Variants in GULP1 observed in about 807,000 individuals in gnomAD.
GULP1 encodes GULP PTB domain containing engulfment adaptor 1, also known as PTB domain-containing engulfment adapter protein 1.
A neutral mutation model predicts 40.9 loss-of-function variants in GULP1; 19 were observed. That is an observed-to-expected ratio of 0.46 (90% CI 0.32 to 0.68). The LOEUF (loss-of-function observed/expected upper bound fraction) is 0.68. GULP1 is among the 30% of genes least tolerant of loss of function. The pLI, the probability that GULP1 is intolerant of heterozygous loss-of-function variation, is 0.03. For missense variants in GULP1, 312 were observed against 362.2 expected (o/e 0.86, Z 1.12); for synonymous variants, 119 against 117.6 (o/e 1.01, Z -0.08).
intron 5 of GULP1, chr2:188,523,028 A>T (rs1440332674): frequency 1.1e-5 from 5 of 452,750 alleles, no homozygotes; most frequent in African/African-American, 9.7e-5. Context: ...AAAATATGGC[A>T]TACTGTTCAC....
At chr2:188,325,523 A>C (rs1234779279) in intron 1 of GULP1, among the ~76,000 whole-genome samples, 1 of 152,140 alleles carries the variant, frequency 6.6e-6, no homozygotes, top group Non-Finnish European at 1.5e-5. Flanking sequence ...GGTGATAATA[A>C]AACAAAACAT....
At chr2:188,474,699 T>C (rs2060864228) in intron 2 of GULP1, among the ~76,000 whole-genome samples, 1 of 152,180 alleles carries the variant, frequency 6.6e-6, no homozygotes, top group South Asian at 2.1e-4. Flanking sequence ...CATCTGATGT[T>C]TGATTCTTGT....
At chr2:188,342,362 G>A (rs1264660616) in intron 1 of GULP1, among the ~76,000 whole-genome samples, 1 of 152,008 alleles carries the variant, frequency 6.6e-6, no homozygotes, top group Admixed American at 6.6e-5. Context: ...CCTTCACATG[G>A]TTTTCCTCCA....
At chr2:188,584,886 C>A (rs1383751001) in intron 10 of GULP1, among the ~76,000 whole-genome samples, 1 of 151,902 alleles carries the variant, frequency 6.6e-6, no homozygotes, top group East Asian at 1.9e-4. Flanking sequence ...GCTATAAATT[C>A]ATTGCTTTTC....
At chr2:188,459,903 T>A (rs2059567169) in intron 2 of GULP1, among the ~76,000 whole-genome samples, 1 of 152,146 alleles carries the variant, frequency 6.6e-6, no homozygotes, top group African/African-American at 2.4e-5. Flanking sequence ...AGAAACTGTC[T>A]TTTTCCCAGT....
At chr2:188,389,183 G>C (rs2050189598) in intron 2 of GULP1, among the ~76,000 whole-genome samples, 1 of 152,068 alleles carries the variant, frequency 6.6e-6, no homozygotes, top group South Asian at 2.1e-4. Flanking sequence ...AAATTTGTTT[G>C]GCTTTGAACA....
At chr2:188,302,082 A>G (rs900724962) in intron 1 of GULP1, among the ~76,000 whole-genome samples, 6 of 152,202 alleles carry the variant, frequency 3.9e-5, no homozygotes, top group Admixed American at 1.3e-4. Context: ...TAAAAGTTTT[A>G]GAAGTAGTAA....
At chr2:188,405,304 C>T (rs1016042008) in intron 2 of GULP1, among the ~76,000 whole-genome samples, 1 of 152,180 alleles carries the variant, frequency 6.6e-6, no homozygotes, top group Non-Finnish European at 1.5e-5. Flanking sequence ...TTGGCTCTCA[C>T]AGACTCAGAC....
chr2:188,556,082 GA>G (rs1049669553), intron 7 of GULP1, among the ~76,000 whole-genome samples: 5 of 148,844 alleles, frequency 3.4e-5, no homozygotes, highest in South Asian at 2.1e-4. Context: ...AAAAGAAAAA[GA>G]AAAAAAAAGA....
At chr2:188,326,537 G>T (rs2040792430) in intron 1 of GULP1, among the ~76,000 whole-genome samples, 2 of 152,124 alleles carry the variant, frequency 1.3e-5, no homozygotes, top group South Asian at 4.1e-4. Flanking sequence ...TGTTGTTGCT[G>T]TTGTGACTCT....
chr2:188,388,032 C>T (rs1038333354), intron 2 of GULP1, among the ~76,000 whole-genome samples: 2 of 145,510 alleles, frequency 1.4e-5, no homozygotes, highest in African/African-American at 5.1e-5. Flanking sequence ...CCTCCCGCCT[C>T]CCCCCACCCC....
chr2:188,444,210 G>A lies in GULP1; in HGVS notation c.-44-33449G>A, dbSNP rs569533285. On this transcript the variant is annotated intron_variant, in intron 2 of 11. Coordinates refer to ENST00000409830, the MANE Select transcript of GULP1 (RefSeq NM_016315.4). Reference sequence around the variant, plus strand: ...TAGGAGGAATAAGTTCAAGAGATTTGTTGCATAATATGATGACTGTAGTTA... The same window carrying A: ...TAGGAGGAATAAGTTCAAGAGATTTATTGCATAATATGATGACTGTAGTTA... Among the ~76,000 whole-genome samples, 23 of 152,224 alleles carry A rather than the reference G, an allele frequency of 1.5e-4. 1 individual carries two copies. The South Asian group carries it at 4.8e-3, about 32-fold the overall frequency.
chr2:188,582,848 C>A (rs903887520), intron 9 of GULP1, among the ~76,000 whole-genome samples: 6 of 152,022 alleles, frequency 3.9e-5, no homozygotes, highest in South Asian at 2.1e-4. Flanking sequence ...GCAATTTCAG[C>A]AGAGTTCAGT....
At chr2:188,568,048 T>C (rs1384479782) in intron 7 of GULP1, among the ~76,000 whole-genome samples, 1 of 152,128 alleles carries the variant, frequency 6.6e-6, no homozygotes, top group Non-Finnish European at 1.5e-5. Flanking sequence ...TGTAAAACAG[T>C]CTTCCTTTAA....
intron 4 of GULP1, among the ~76,000 whole-genome samples, chr2:188,515,453 T>A (rs2065072408): frequency 6.6e-6 from 1 of 152,170 alleles, no homozygotes; most frequent in Non-Finnish European, 1.5e-5. Context: ...ACTCCAGCAC[T>A]GTATACCCAA....
At chr2:188,358,994 A>G (rs2045736487) in intron 1 of GULP1, among the ~76,000 whole-genome samples, 1 of 152,128 alleles carries the variant, frequency 6.6e-6, no homozygotes, top group Non-Finnish European at 1.5e-5. Context: ...TTGGGAAAAG[A>G]ACCAAAAATT....
At chr2:188,390,941 A>G (rs968182342) in intron 2 of GULP1, among the ~76,000 whole-genome samples, 4 of 151,752 alleles carry the variant, frequency 2.6e-5, no homozygotes, top group Non-Finnish European at 5.9e-5. Flanking sequence ...ATTTGACTCT[A>G]TTTCTGTCTT....
intron 2 of GULP1, among the ~76,000 whole-genome samples, chr2:188,448,105 A>G (rs1377383884): frequency 2.0e-5 from 3 of 152,240 alleles, no homozygotes; most frequent in Non-Finnish European, 1.5e-5. Flanking sequence ...TGGATTCTGA[A>G]ATAGTGGAAT....
intron 2 of GULP1, among the ~76,000 whole-genome samples, chr2:188,394,748 T>C (rs974956039): frequency 1.3e-5 from 2 of 152,244 alleles, no homozygotes; most frequent in Non-Finnish European, 2.9e-5. Context: ...TTAATGTTTA[T>C]ACTTTATGGT....
Sources: gnomAD v4.1 joint callset for allele counts (sites outside exome capture counted in the v4.1 genomes callset) on GRCh38, gnomAD v4.1.1 for gene constraint, MANE v1.5 for transcripts, NCBI Gene and HGNC (gene_info 2026-07-23, HGNC 2026-07-21) for gene names.